The following RIN2 variants were observed in gnomAD, a reference collection of about 807,000 sequenced individuals.
RIN2 encodes Ras and Rab interactor 2, also known as RAB5 interacting protein 2.
Under a neutral mutation model 78.0 loss-of-function variants are expected in RIN2, and 36 were observed. The ratio of observed to expected loss-of-function variants is 0.46; its 90% CI spans 0.35 to 0.61. The LOEUF is 0.61. RIN2 is among the 20% of genes least tolerant of loss of function. The pLI is 0.00. For synonymous variants in RIN2, 466 were observed against 466.8 expected (o/e 1.00, Z 0.02); for missense variants, 1,087 against 1,159.7 (o/e 0.94, Z 0.91).
intron 2 of RIN2, among the ~76,000 whole-genome samples, chr20:19,888,980 G>T (rs1295199817): frequency 6.6e-6 from 1 of 152,228 alleles, no homozygotes; most frequent in Admixed American, 6.5e-5. Context: ...TCGTGAAGCT[G>T]TTTACATGTT....
intron 11 of RIN2, among the ~76,000 whole-genome samples, chr20:19,994,100 A>G (rs1435729187): frequency 6.6e-6 from 1 of 152,220 alleles, no homozygotes; most frequent in Non-Finnish European, 1.5e-5. Flanking sequence ...TCCTCCACGA[A>G]TCCCACAAGA....
At chr20:19,991,865 A>T (rs1218289684) in intron 10 of RIN2, among the ~76,000 whole-genome samples, 1 of 152,240 alleles carries the variant, frequency 6.6e-6, no homozygotes, top group Non-Finnish European at 1.5e-5. Context: ...TGAAAGTTAA[A>T]ATATTTTAAC....
At chr20:19,912,993 C>G (rs569481912) in intron 3 of RIN2, among the ~76,000 whole-genome samples, 3 of 152,148 alleles carry the variant, frequency 2.0e-5, no homozygotes, top group Admixed American at 6.5e-5. Flanking sequence ...GAAAGTGCTG[C>G]GAGGTCCTCT....
chr20:19,889,627 G>T lies in RIN2; in HGVS notation c.26G>T (p.Arg9Leu). Reference sequence around the variant, plus strand: ...ATGACAGCTTGGACCATGGGCGCCCGCGGTCTGGACAAGCGAGGAAGTTTC... The same window carrying T: ...ATGACAGCTTGGACCATGGGCGCCCTCGGTCTGGACAAGCGAGGAAGTTTC... MTAWTMGA[R>L]GLDKRGSFFK... The change falls in exon 3 of 13, where the codon CGC (arginine) becomes CTC (leucine). Residue 9 changes from arginine (R) to leucine (L), a missense_variant. By Grantham distance (102) the Arg-to-Leu change is moderately radical. Transcript: ENST00000255006. 6.5e-7 allele frequency: 1 copy of T among 1,548,898 alleles called. No homozygotes were observed. Among genetic ancestry groups the T allele is most frequent in the Non-Finnish European group, 8.7e-7 (1 of 1,145,622 alleles).
chr20:19,853,711 C>T (rs1184502128), intron 2 of RIN2, among the ~76,000 whole-genome samples: 23 of 152,150 alleles, frequency 1.5e-4, no homozygotes, highest in Admixed American at 1.5e-3. Context: ...ATATCCTTTG[C>T]CCACTTTGTG....
chr20:19,953,048 A>C (rs1052318784), intron 4 of RIN2, among the ~76,000 whole-genome samples: 13 of 152,218 alleles, frequency 8.5e-5, no homozygotes, highest in Admixed American at 7.8e-4. Context: ...AACAAACCCC[A>C]GGTGACTTTC....
chr20:19,880,019 C>T (rs927268384), intron 2 of RIN2, among the ~76,000 whole-genome samples: 8 of 152,094 alleles, frequency 5.3e-5, no homozygotes, highest in African/African-American at 7.2e-5. Flanking sequence ...GAGGCCAAGG[C>T]GGTCGGATCA....
At chr20:19,773,874 AAAT>A (rs557425069) in intron 1 of RIN2, among the ~76,000 whole-genome samples, 26 of 150,292 alleles carry the variant, frequency 1.7e-4, no homozygotes, top group African/African-American at 6.1e-4. Context: ...AATAAAAATA[AAAT>A]AATATATACT....
At chr20:19,805,512 C>G (rs1390669364) in intron 2 of RIN2, among the ~76,000 whole-genome samples, 4 of 151,358 alleles carry the variant, frequency 2.6e-5, no homozygotes, top group African/African-American at 9.8e-5. Flanking sequence ...AGCAGTTCTC[C>G]TACCTCAGCC....
chr20:19,812,575 G>C (rs992113315), intron 2 of RIN2, among the ~76,000 whole-genome samples: 2 of 152,104 alleles, frequency 1.3e-5, no homozygotes, highest in African/African-American at 4.8e-5. Context: ...TCCTTCCTGA[G>C]TAGTAAGGGT....
At chr20:19,765,574 G>T (rs576442561) in intron 1 of RIN2, among the ~76,000 whole-genome samples, 2 of 152,320 alleles carry the variant, frequency 1.3e-5, no homozygotes, top group East Asian at 3.9e-4. Flanking sequence ...ACTGGGAAGG[G>T]CAGGACAGTG....
At chr20:19,884,658 G>A (rs1262977524) in intron 2 of RIN2, among the ~76,000 whole-genome samples, 9 of 152,086 alleles carry the variant, frequency 5.9e-5, no homozygotes, top group Admixed American at 4.6e-4. Flanking sequence ...CACATAGTTC[G>A]AATTGTCAAG....
chr20:19,765,105 C>T (rs1374453507), intron 1 of RIN2, among the ~76,000 whole-genome samples: 1 of 151,908 alleles, frequency 6.6e-6, no homozygotes, highest in African/African-American at 2.4e-5. Flanking sequence ...CTGCCTCAGC[C>T]TCCCAAAGTG....
At chr20:19,873,473 G>C (rs531492867) in intron 2 of RIN2, among the ~76,000 whole-genome samples, 2 of 152,160 alleles carry the variant, frequency 1.3e-5, no homozygotes, top group African/African-American at 4.8e-5. Flanking sequence ...TTTAGGGTTT[G>C]CAGGCCACGT....
At chr20:19,874,061 GGTGTGT>G (rs60818960) in intron 2 of RIN2, among the ~76,000 whole-genome samples, 20 of 150,010 alleles carry the variant, frequency 1.3e-4, no homozygotes, top group African/African-American at 2.7e-4. Context: ...TTCACATTTT[GGTGTGT>G]GTGTGTGTGT....
At chr20:19,976,878 A>AT (rs778977710) in intron 9 of RIN2, among the ~76,000 whole-genome samples, 5 of 151,442 alleles carry the variant, frequency 3.3e-5, no homozygotes, top group Non-Finnish European at 7.4e-5. Context: ...CGTTTAAGTG[A>AT]TTTTCAGCAG....
rs1350983214 is a variant in RIN2, at chr20:20,001,342, C to T, written c.*406C>T. 1.3e-5 allele frequency: 2 copies of T among 148,538 alleles called. No homozygotes were observed. The highest frequency in any genetic ancestry group is 2.5e-5 in the African/African-American group (1 of 40,090). The allele number at this position is 148,538 out of a possible 1,614,324, so 9.2% of individuals were successfully genotyped here. On this transcript the variant is annotated 3_prime_UTR_variant, in exon 13 of 13. Transcript: ENST00000255006. ...ACTCCTGTGGATGGCTTCATCCCTG[C>T]CTTCCTTCCTTTCTTTTTCCTTTTT... is the stretch of plus-strand genomic sequence containing the variant.
chr20:19,971,361 G>A (rs1321495368), intron 8 of RIN2, among the ~76,000 whole-genome samples: 1 of 152,076 alleles, frequency 6.6e-6, no homozygotes, highest in Non-Finnish European at 1.5e-5. Context: ...TGGCAGCTGG[G>A]TACTTGCTTC....
At chr20:19,905,995 C>CACAA (rs3059678) in intron 3 of RIN2, among the ~76,000 whole-genome samples, 35,664 of 151,726 alleles carry the variant, frequency 0.24, 4,726 homozygotes, top group East Asian at 0.56. Context: ...ATCTCTATTT[C>CACAA]ACAAACAAAC....
Sources: allele counts gnomAD v4.1 joint callset (sites outside exome capture counted in the v4.1 genomes callset), GRCh38; gene constraint gnomAD v4.1.1; transcripts MANE v1.5; gene names NCBI Gene and HGNC (gene_info 2026-07-23, HGNC 2026-07-21).